The following APPBP2 variants were observed in gnomAD, a reference collection of about 807,000 sequenced individuals.
APPBP2 encodes amyloid protein-binding protein 2.
A neutral mutation model predicts 76.0 loss-of-function variants in APPBP2; 15 were observed. The ratio of observed to expected loss-of-function variants is 0.20; its 90% CI spans 0.13 to 0.30. The LOEUF is 0.30. APPBP2 is among the 10% of genes least tolerant of loss of function. The pLI is 1.00. For synonymous variants in APPBP2, 222 were observed against 242.2 expected (o/e 0.92, Z 0.77); for missense variants, 401 against 687.2 (o/e 0.58, Z 4.66).
At chr17:60,482,571 C>T (rs1435046961) in intron 3 of APPBP2, among the ~76,000 whole-genome samples, 14 of 152,210 alleles carry the variant, frequency 9.2e-5, no homozygotes, top group Admixed American at 9.2e-4. Flanking sequence ...TCTCCTAACG[C>T]TATCCCTCCC....
At chr17:60,480,048 A>T (rs116942308) in intron 3 of APPBP2, among the ~76,000 whole-genome samples, 18 of 152,346 alleles carry the variant, frequency 1.2e-4, no homozygotes, top group Admixed American at 4.6e-4. Context: ...ACAGTTATTA[A>T]GGAATAATTT....
At chr17:60,517,588 T>C (rs2090973296) in intron 1 of APPBP2, among the ~76,000 whole-genome samples, 1 of 152,244 alleles carries the variant, frequency 6.6e-6, no homozygotes, top group Non-Finnish European at 1.5e-5. Context: ...CAAGATACTT[T>C]CTTCCCTGAT....
At chr17:60,522,771 G>A (rs1234000573) in intron 1 of APPBP2, among the ~76,000 whole-genome samples, 1 of 151,606 alleles carries the variant, frequency 6.6e-6, no homozygotes, top group Non-Finnish European at 1.5e-5. Flanking sequence ...ACTTTGCTCC[G>A]TAACTTATTT....
intron 5 of APPBP2, 113 bp from the exon 6 acceptor site, chr17:60,464,223 A>C: frequency 1.4e-6 from 1 of 701,506 alleles, no homozygotes; most frequent in Non-Finnish European, 2.5e-6. Flanking sequence ...CACACACAAA[A>C]TATTTACAGT....
At chr17:60,458,590 C>T (rs923758676) in intron 9 of APPBP2, among the ~76,000 whole-genome samples, 9 of 152,146 alleles carry the variant, frequency 5.9e-5, no homozygotes, top group Non-Finnish European at 1.2e-4. Context: ...TCTGCTGCAA[C>T]TACTGAACTC....
At chr17:60,496,931 G>C (rs1171276091) in intron 2 of APPBP2, among the ~76,000 whole-genome samples, 7 of 152,036 alleles carry the variant, frequency 4.6e-5, no homozygotes, top group Non-Finnish European at 8.8e-5. Flanking sequence ...ATGTTGGCCA[G>C]GCTGGTCTTC....
intron 4 of APPBP2, among the ~76,000 whole-genome samples, chr17:60,471,586 T>C (rs2090553023): frequency 6.6e-6 from 1 of 152,164 alleles, no homozygotes; most frequent in South Asian, 2.1e-4. Context: ...TGGGTTTTTT[T>C]TTTTTCCCTT....
chr17:60,500,935 C>T (rs998621636), intron 1 of APPBP2, among the ~76,000 whole-genome samples: 4 of 152,146 alleles, frequency 2.6e-5, no homozygotes, highest in Non-Finnish European at 5.9e-5. Context: ...AATAGTAGAG[C>T]ATGTCAATAG....
Position 60,465,964 on chromosome 17 carries a change from T to C in APPBP2, c.672+327A>G, listed in dbSNP as rs116513385. On this transcript the variant is annotated intron_variant, in intron 5 of 12. Transcript: ENST00000083182. ...GATCCTCCTGCCTCAGCCTCCCATG[T>C]AGTTGTGACCACCACAGGCGTGTGC... 3.9e-3 allele frequency among the ~76,000 whole-genome samples: 593 copies of C among 152,198 alleles called. 6 individuals carry two copies. Among genetic ancestry groups the C allele is most frequent in the African/African-American group, 0.013 (538 of 41,528 alleles).
chr17:60,526,226 G>C lies in APPBP2; in HGVS notation c.-295C>G, dbSNP rs1244555750. Reference sequence around the variant, plus strand: ...CCGTCCCAGCGCTGATCTCTGCAGGGGCGGGGCTGCGTGTGCGGCGTCATG... The same window carrying C: ...CCGTCCCAGCGCTGATCTCTGCAGGCGCGGGGCTGCGTGTGCGGCGTCATG... On this transcript the variant is annotated 5_prime_UTR_variant, in exon 1 of 13. Transcript: ENST00000083182. 5.9e-6 allele frequency: 2 copies of C among 337,390 alleles called. No individual in the cohort carries two copies. Among genetic ancestry groups the C allele is most frequent in the Admixed American group, 4.6e-5 (1 of 21,952 alleles). The allele number at this position is 337,390 out of a possible 1,614,324, so 20.9% of individuals were successfully genotyped here.
chr17:60,495,053 C>T (rs1365953286), intron 2 of APPBP2, among the ~76,000 whole-genome samples: 5 of 144,234 alleles, frequency 3.5e-5, no homozygotes, highest in Non-Finnish European at 6.0e-5. Flanking sequence ...GGCGTGGTCT[C>T]GGCTCATTGC....
chr17:60,521,317 A>T (rs1484058098), intron 1 of APPBP2, among the ~76,000 whole-genome samples: 1 of 152,230 alleles, frequency 6.6e-6, no homozygotes, highest in East Asian at 1.9e-4. Context: ...TATTTTTAAC[A>T]TTAATTTATA....
intron 2 of APPBP2, among the ~76,000 whole-genome samples, chr17:60,496,779 G>A (rs972692041): frequency 3.9e-5 from 6 of 152,046 alleles, no homozygotes; most frequent in South Asian, 2.1e-4. Context: ...GGAGTGCAGC[G>A]GTGTGATGTT....
chr17:60,511,125 T>G (rs2090908944), intron 1 of APPBP2, among the ~76,000 whole-genome samples: 1 of 152,186 alleles, frequency 6.6e-6, no homozygotes, highest in Admixed American at 6.6e-5. Context: ...TCTAGTTAGA[T>G]GTAAGGCCTA....
Position 60,446,166 on chromosome 17 carries a change from A to AG in APPBP2, c.*1414dup, listed in dbSNP as rs1003217262. 7.9e-5 allele frequency: 12 copies of AG among 152,592 alleles called. No homozygotes were observed. The highest frequency in any genetic ancestry group is 3.3e-4 in the Admixed American group (5 of 15,290). The allele number at this position is 152,592 out of a possible 1,614,324, so 9.5% of individuals were successfully genotyped here. A position where few individuals can be genotyped will look rare whatever the true frequency, so the allele number is the denominator to read the frequency against. ...AGCCAAGTCATGAACCCCTGAAAATAGGGGGGGAACCCAGATTCTTAACTA... is the reference window on the plus strand; with the variant it reads ...AGCCAAGTCATGAACCCCTGAAAATAGGGGGGGGAACCCAGATTCTTAACTA... On this transcript the variant is annotated 3_prime_UTR_variant, in exon 13 of 13. Transcript: ENST00000083182.
chr17:60,473,723 A>G (rs2090569598), intron 4 of APPBP2, among the ~76,000 whole-genome samples: 2 of 152,252 alleles, frequency 1.3e-5, no homozygotes, highest in Non-Finnish European at 2.9e-5. Flanking sequence ...AATCTAAATT[A>G]AATTTTCAAA....
At chr17:60,518,346 CGTGTGTGCGTGCGTGTGTGTGTGTGTGT>C (rs1287260165) in intron 1 of APPBP2, among the ~76,000 whole-genome samples, 2 of 128,332 alleles carry the variant, frequency 1.6e-5, no homozygotes, top group Admixed American at 7.7e-5. Context: ...CATGCCCAGC[CGTGTGTGCGTGCGTGTGTGTGTGTGTGT>C]GTGTGTGTGT....
intron 1 of APPBP2, among the ~76,000 whole-genome samples, chr17:60,517,190 T>A (rs1394534218): frequency 1.3e-5 from 2 of 152,196 alleles, no homozygotes; most frequent in Non-Finnish European, 2.9e-5. Flanking sequence ...TTGGCCAGGC[T>A]GGTCTTGAAC....
At chr17:60,524,296 CAT>C (rs1286417826) in intron 1 of APPBP2, among the ~76,000 whole-genome samples, 4 of 152,168 alleles carry the variant, frequency 2.6e-5, no homozygotes, top group African/African-American at 9.7e-5. Context: ...CAAGATTACA[CAT>C]GATTTAATAA....
Sources: gnomAD v4.1 joint callset for allele counts (sites outside exome capture counted in the v4.1 genomes callset) on GRCh38, gnomAD v4.1.1 for gene constraint, MANE v1.5 for transcripts, NCBI Gene and HGNC (gene_info 2026-07-23, HGNC 2026-07-21) for gene names.